PRKN: variants seen among roughly 807,000 people sequenced by gnomAD.
The protein encoded by PRKN is parkin RBR E3 ubiquitin protein ligase.
PRKN carries 56 observed loss-of-function variants against 59.5 expected under a neutral mutation model. The observed-to-expected ratio is 0.94, with a 90% CI of 0.76 to 1.18. The LOEUF (loss-of-function observed/expected upper bound fraction) is 1.18, where lower values mean the gene tolerates loss of function less well. Among genes scored for constraint, PRKN ranks in the 50% most tolerant of loss-of-function variants. The pLI, the probability that PRKN is intolerant of heterozygous loss-of-function variation, is 0.00. For synonymous variants in PRKN, 250 were observed against 222.1 expected (o/e 1.13, Z -1.12); for missense variants, 657 against 596.4 (o/e 1.10, Z -1.06).
intron 7 of PRKN, among the ~76,000 whole-genome samples, chr6:161,653,582 T>C (rs961951916): frequency 2.6e-5 from 4 of 152,230 alleles, no homozygotes; most frequent in African/African-American, 9.6e-5. Flanking sequence ...CTAGGAACTT[T>C]GTTCCACTAA....
In PRKN at chr6:162,687,188, CT is replaced by C. The variant is rs749381380; in HGVS notation, c.7+40473del. Among the ~76,000 whole-genome samples the C allele has an allele frequency of 1.2e-3, 156 of 134,564 alleles. 1 individual carries two copies. Among genetic ancestry groups the C allele is most frequent in the Middle Eastern group, 3.8e-3 (1 of 260 alleles). The allele number at this position is 134,564 out of a possible 152,430, so 88.3% of individuals were successfully genotyped here. On this transcript the variant is annotated intron_variant, in intron 1 of 11. Transcript: ENST00000366898. ...ATTAGAGTTAAAAGAGCCTCTTTTT[CT>C]TTTTTTTTTTTTTTGAGACAGAGTT...
chr6:162,361,881 G>A (rs1421719191), intron 2 of PRKN, among the ~76,000 whole-genome samples: 1 of 152,134 alleles, frequency 6.6e-6, no homozygotes, highest in African/African-American at 2.4e-5. Context: ...AACATTCTTG[G>A]AGAAACAGCT....
At chr6:161,773,102 A>T (rs1317150151) in intron 7 of PRKN, among the ~76,000 whole-genome samples, 3 of 152,096 alleles carry the variant, frequency 2.0e-5, no homozygotes, top group Non-Finnish European at 2.9e-5. Context: ...GCGGCTATGG[A>T]GGAGATCACA....
At chr6:162,508,747 C>T (rs905998512) in intron 1 of PRKN, among the ~76,000 whole-genome samples, 3 of 152,032 alleles carry the variant, frequency 2.0e-5, no homozygotes, top group African/African-American at 7.2e-5. Context: ...CTATCTAATA[C>T]TAGAAATAAG....
At chr6:161,946,414 A>ACACACACACACT (rs1247187053) in intron 6 of PRKN, among the ~76,000 whole-genome samples, 164 of 114,434 alleles carry the variant, frequency 1.4e-3, no homozygotes, top group East Asian at 5.4e-3. Context: ...ACACACACAC[A>ACACACACACACT]CTCTCTCTCT....
intron 2 of PRKN, among the ~76,000 whole-genome samples, chr6:162,337,925 T>C (rs1367836376): frequency 2.0e-5 from 3 of 152,178 alleles, no homozygotes; most frequent in African/African-American, 4.8e-5. Context: ...TAAAAATACA[T>C]TATTAATGTT....
intron 8 of PRKN, among the ~76,000 whole-genome samples, chr6:161,567,081 AAGACT>A (rs1483730919): frequency 3.1e-4 from 45 of 143,900 alleles, no homozygotes; most frequent in Non-Finnish European, 1.1e-4. Context: ...CTCTGTAACA[AAGACT>A]AGACTGCAGT....
chr6:162,503,136 CTTTTTTTTTTTTT>C (rs10629175), intron 1 of PRKN, among the ~76,000 whole-genome samples: 1 of 81,120 alleles, frequency 1.2e-5, no homozygotes, highest in Admixed American at 1.6e-4. Flanking sequence ...GTCTTCATTT[CTTTTTTTTTTTTT>C]TTTTTTTTTT....
chr6:162,109,795 C>T (rs1028430765), intron 4 of PRKN, among the ~76,000 whole-genome samples: 4 of 152,298 alleles, frequency 2.6e-5, no homozygotes, highest in African/African-American at 7.2e-5. Flanking sequence ...TTTCATTTAC[C>T]GCCTTCTCAG....
chr6:162,501,057 C>T (rs73608427), intron 1 of PRKN, among the ~76,000 whole-genome samples: 3,191 of 152,192 alleles, frequency 0.021, 93 homozygotes, highest in African/African-American at 0.07. Flanking sequence ...GTACCAACAA[C>T]TCAGGGAGGT....
At chr6:162,563,074 G>A (rs1459974884) in intron 1 of PRKN, among the ~76,000 whole-genome samples, 2 of 152,230 alleles carry the variant, frequency 1.3e-5, no homozygotes, top group Non-Finnish European at 2.9e-5. Context: ...AGGCCGAGGC[G>A]GGCGGATCAT....
At chr6:162,397,142 G>T (rs1381184528) in intron 2 of PRKN, among the ~76,000 whole-genome samples, 1 of 152,078 alleles carries the variant, frequency 6.6e-6, no homozygotes, top group Non-Finnish European at 1.5e-5. Flanking sequence ...TGAAGCTTAT[G>T]GTGCCTTTCT....
chr6:162,127,901 T>C (rs1781184548), intron 4 of PRKN, among the ~76,000 whole-genome samples: 1 of 152,198 alleles, frequency 6.6e-6, no homozygotes, highest in African/African-American at 2.4e-5. Flanking sequence ...GGACTCCAGC[T>C]ATGGCAGTAT....
chr6:161,443,699 A>C (rs996661057), intron 9 of PRKN, among the ~76,000 whole-genome samples: 8 of 152,098 alleles, frequency 5.3e-5, no homozygotes, highest in Admixed American at 1.3e-4. Flanking sequence ...AGAAAAAAAG[A>C]GAAAGAAATC....
intron 2 of PRKN, among the ~76,000 whole-genome samples, chr6:162,300,741 C>G (rs1228395252): frequency 6.6e-6 from 1 of 152,130 alleles, no homozygotes; most frequent in Admixed American, 6.6e-5. Context: ...GACCAACTAA[C>G]AGGCAACAGA....
intron 4 of PRKN, among the ~76,000 whole-genome samples, chr6:162,179,967 A>AGTGTGTGTGTGT (rs1562562920): frequency 1.7e-5 from 1 of 57,528 alleles, no homozygotes; most frequent in African/African-American, 6.8e-5. Flanking sequence ...TTATCTTATT[A>AGTGTGTGTGTGT]CTGTGTGTGT....
Position 161,420,065 on chromosome 6 carries a change from C to T in PRKN, c.1084-33188G>A, listed in dbSNP as rs551156490. On this transcript the variant is annotated intron_variant, in intron 9 of 11. Coordinates refer to ENST00000366898, the MANE Select transcript of PRKN (RefSeq NM_004562.3). ...CATCCTGGCTAACACGGTGAAACCC[C>T]GTCTCTACTAAAAATACAAAAAATT... 1.8e-4 allele frequency among the ~76,000 whole-genome samples: 27 copies of T among 151,876 alleles called. No homozygotes were observed. The East Asian group carries it at 4.7e-3, about 27-fold the overall frequency.
chr6:161,788,988 TAC>T (rs1280267741), intron 6 of PRKN, among the ~76,000 whole-genome samples: 2 of 152,284 alleles, frequency 1.3e-5, no homozygotes, highest in South Asian at 2.1e-4. Context: ...GCTGCCTTTA[TAC>T]ACACACACGC....
intron 1 of PRKN, among the ~76,000 whole-genome samples, chr6:162,558,320 ATTTTCCCTTTTTTT>A (rs1011306179): frequency 2.2e-5 from 3 of 135,122 alleles, no homozygotes; most frequent in African/African-American, 8.0e-5. Context: ...AAATGCTTTA[ATTTTCCCTTTTTTT>A]TTTTTTTTTT....
Sources: gnomAD v4.1 joint callset for allele counts (sites outside exome capture counted in the v4.1 genomes callset) on GRCh38, gnomAD v4.1.1 for gene constraint, MANE v1.5 for transcripts, NCBI Gene and HGNC (gene_info 2026-07-23, HGNC 2026-07-21) for gene names.